PTPRO: variants seen among roughly 807,000 people sequenced by gnomAD.
PTPRO encodes the protein receptor-type tyrosine-protein phosphatase O.
PTPRO carries 62 observed loss-of-function variants against 145.2 expected under a neutral mutation model. The ratio of observed to expected loss-of-function variants is 0.43; its 90% CI spans 0.35 to 0.53. The LOEUF is 0.53. PTPRO is among the 20% of genes least tolerant of loss of function. The pLI is 0.01. For missense variants in PTPRO, 1,345 were observed against 1,482.7 expected, an observed-to-expected ratio of 0.91 and a Z score of 1.53; for synonymous variants, 565 against 514.7, an observed-to-expected ratio of 1.10 and a Z score of -1.32.
rs757868073 is a variant in PTPRO, at chr12:15,551,586, G to A, written c.2473G>A (p.Val825Met). Residue 825 changes from valine to methionine, a missense_variant, in exon 15 of 27, where the codon GTG (valine) becomes ATG (methionine). By Grantham distance (21) the Val-to-Met change is conservative. Around this residue, in one of 3 missense-constraint regions of PTPRO, gnomAD observed 1,130 missense variants for 1,214.7 expected, o/e 0.93. Transcript: ENST00000281171. ...EMNPNVVVIS[V>M]LAILSTLLIG... ...GAATCCCAATGTGGTAGTGATCTCC[G>A]TGCTGGCCATCCTTAGCACACTTTT... 157 of 1,613,486 alleles carry A rather than the reference G, an allele frequency of 9.7e-5. No individual in the cohort carries two copies. The highest frequency in any genetic ancestry group is 1.6e-4 in the Middle Eastern group (1 of 6,082).
intron 1 of PTPRO, among the ~76,000 whole-genome samples, chr12:15,480,964 T>C (rs1034198770): frequency 6.6e-6 from 1 of 152,198 alleles, no homozygotes; most frequent in African/African-American, 2.4e-5. Flanking sequence ...GGTTATTTGC[T>C]GGAGAAACAG....
chr12:15,329,505 C>A (rs1038842861), intron 1 of PTPRO, among the ~76,000 whole-genome samples: 4 of 152,154 alleles, frequency 2.6e-5, no homozygotes, highest in Non-Finnish European at 4.4e-5. Context: ...CTTGAAAGAG[C>A]ATCCTATAAA....
At chr12:15,503,406 A>AT (rs1437499360) in intron 5 of PTPRO, among the ~76,000 whole-genome samples, 1 of 152,262 alleles carries the variant, frequency 6.6e-6, no homozygotes, top group South Asian at 2.1e-4. Flanking sequence ...CATGATTATT[A>AT]TTTTTTTAAT....
intron 18 of PTPRO, among the ~76,000 whole-genome samples, chr12:15,566,743 A>G (rs1943909201): frequency 6.6e-6 from 1 of 151,906 alleles, no homozygotes; most frequent in African/African-American, 2.4e-5. Context: ...CTGGTCTCGA[A>G]CTCCTGACCT....
chr12:15,414,602 T>C (rs1184981527), intron 1 of PTPRO, among the ~76,000 whole-genome samples: 1 of 152,228 alleles, frequency 6.6e-6, no homozygotes, highest in Non-Finnish European at 1.5e-5. Flanking sequence ...TAAGAGCCAT[T>C]ATGGTGTGAC....
At chr12:15,395,940 A>G (rs148384455) in intron 1 of PTPRO, among the ~76,000 whole-genome samples, 1 of 152,258 alleles carries the variant, frequency 6.6e-6, no homozygotes, top group Non-Finnish European at 1.5e-5. Context: ...GTTGTTTCCA[A>G]ATAATCAGGC....
intron 2 of PTPRO, among the ~76,000 whole-genome samples, chr12:15,493,027 T>C (rs1942030593): frequency 6.6e-6 from 1 of 152,124 alleles, no homozygotes; most frequent in South Asian, 2.1e-4. Flanking sequence ...TAATGCTATA[T>C]TATTGTTATT....
At chr12:15,542,901 G>A (rs10846199) in intron 12 of PTPRO, among the ~76,000 whole-genome samples, 96,364 of 152,050 alleles carry the variant, frequency 0.63, 31,194 homozygotes, top group East Asian at 0.71. Flanking sequence ...TTCACATTCC[G>A]ATTCTTACAT....
At chr12:15,404,964 T>A (rs922658285) in intron 1 of PTPRO, among the ~76,000 whole-genome samples, 1 of 152,204 alleles carries the variant, frequency 6.6e-6, no homozygotes, top group Non-Finnish European at 1.5e-5. Flanking sequence ...TGAAGATGGA[T>A]GCCTCCTTGC....
intron 1 of PTPRO, among the ~76,000 whole-genome samples, chr12:15,409,546 A>G (rs187251675): frequency 1.5e-4 from 23 of 152,304 alleles, no homozygotes; most frequent in African/African-American, 5.5e-4. Flanking sequence ...TTACATTGCT[A>G]TAAAGAAATG....
At chr12:15,493,569 T>C (rs903050157) in intron 2 of PTPRO, among the ~76,000 whole-genome samples, 17 of 152,048 alleles carry the variant, frequency 1.1e-4, no homozygotes, top group African/African-American at 4.1e-4. Flanking sequence ...TTAATCTCCA[T>C]GAGCAGGAAA....
At chr12:15,415,487 C>T (rs1451853694) in intron 1 of PTPRO, among the ~76,000 whole-genome samples, 2 of 151,934 alleles carry the variant, frequency 1.3e-5, no homozygotes, top group Non-Finnish European at 2.9e-5. Flanking sequence ...CAGGTTCACG[C>T]CATTCTCCTG....
chr12:15,581,584 C>T (rs986877972), intron 22 of PTPRO, 95 bp from the exon 23 acceptor site: 1 of 1,444,650 alleles, frequency 6.9e-7, no homozygotes. Flanking sequence ...CTATCTAATT[C>T]TTTAGAGGCG....
At chr12:15,379,257 T>G (rs1315326399) in intron 1 of PTPRO, among the ~76,000 whole-genome samples, 2 of 151,806 alleles carry the variant, frequency 1.3e-5, no homozygotes, top group Non-Finnish European at 2.9e-5. Flanking sequence ...CGCTGGCTCA[T>G]GCCTGTAATC....
At chr12:15,367,027 C>T (rs997462080) in intron 1 of PTPRO, among the ~76,000 whole-genome samples, 2 of 152,090 alleles carry the variant, frequency 1.3e-5, no homozygotes, top group African/African-American at 4.8e-5. Flanking sequence ...ACAAGATAAA[C>T]ACTATTGCAG....
Position 15,506,006 on chromosome 12 carries a change from A to G in PTPRO, c.1267+1937A>G, listed in dbSNP as rs1471560701. Among the ~76,000 whole-genome samples, 11 of 152,332 alleles carry G rather than the reference A, an allele frequency of 7.2e-5. No homozygotes were observed. In the East Asian group the frequency reaches 1.5e-3, roughly 21 times the overall value. On this transcript the variant is annotated intron_variant, in intron 6 of 26. Coordinates refer to ENST00000281171, the MANE Select transcript of PTPRO (RefSeq NM_030667.3). ...ATACATACTGAATCGCAGAAATTTCAGTGACTTCCCCAAGTGTCAAAATTA... is the reference window on the plus strand; with the variant it reads ...ATACATACTGAATCGCAGAAATTTCGGTGACTTCCCCAAGTGTCAAAATTA...
intron 1 of PTPRO, among the ~76,000 whole-genome samples, chr12:15,386,066 C>A (rs1036003660): frequency 8.6e-5 from 13 of 152,036 alleles, no homozygotes; most frequent in African/African-American, 3.1e-4. Context: ...TGTGATGAAT[C>A]TAGATCTTTC....
chr12:15,344,971 C>T (rs11056432), intron 1 of PTPRO, among the ~76,000 whole-genome samples: 35,546 of 152,168 alleles, frequency 0.23, 4,494 homozygotes, highest in Non-Finnish European at 0.29. Flanking sequence ...ATTAAGTGAT[C>T]CCAGCTGAAT....
chr12:15,487,435 G>C (rs1373092645), intron 2 of PTPRO, among the ~76,000 whole-genome samples: 1 of 152,134 alleles, frequency 6.6e-6, no homozygotes, highest in Non-Finnish European at 1.5e-5. Context: ...ATTTTCCTGA[G>C]AACTAGAAAG....
Sources: allele counts gnomAD v4.1 joint callset (sites outside exome capture counted in the v4.1 genomes callset), GRCh38; gene constraint gnomAD v4.1.1; regional missense constraint gnomAD v4.1.1; transcripts MANE v1.5; gene names NCBI Gene and HGNC (gene_info 2026-07-23, HGNC 2026-07-21).